Variants in AMZ1 observed in about 807,000 individuals in gnomAD.
AMZ1 encodes the protein archaelysin family metallopeptidase 1.
In AMZ1, 39 loss-of-function variants were observed where a neutral mutation model predicts 29.9. That is an observed-to-expected ratio of 1.30 (90% CI 1.01 to 1.70). AMZ1 has a LOEUF of 1.70. Ranked by LOEUF, AMZ1 falls within the 40% of genes most tolerant of loss-of-function variation. The pLI is 0.00. For missense variants in AMZ1, 1,041 were observed against 680.6 expected, an observed-to-expected ratio of 1.53 and a Z score of -5.89; for synonymous variants, 458 against 304.0, an observed-to-expected ratio of 1.51 and a Z score of -5.27.
intron 4 of AMZ1, among the ~76,000 whole-genome samples, chr7:2,736,426 A>AC (rs1790180040): frequency 6.7e-6 from 1 of 149,672 alleles, no homozygotes; most frequent in Non-Finnish European, 1.5e-5. Flanking sequence ...CTGAGCACAC[A>AC]CCTGACAGGG....
chr7:2,726,253 G>A (rs1789611582), intron 4 of AMZ1, among the ~76,000 whole-genome samples: 2 of 152,160 alleles, frequency 1.3e-5, no homozygotes, highest in Admixed American at 6.5e-5. Context: ...CGCAATTCTC[G>A]AGGCAGGTTG....
Position 2,714,847 on chromosome 7 carries a change from C to G in AMZ1, c.*1969C>G, listed in dbSNP as rs1789027069. 6.6e-6 allele frequency: 1 copy of G among 152,292 alleles called. No individual in the cohort carries two copies. The highest frequency in any genetic ancestry group is 6.5e-5 in the Admixed American group (1 of 15,280). 9.4% of individuals were successfully genotyped at this position (152,292 alleles called of 1,614,324 possible). On this transcript the variant is annotated 3_prime_UTR_variant, in exon 7 of 7. Transcript: ENST00000683327. ...GCTGCCATACCGTGAGGAAACCCGA[C>G]AAACAGGGCAGCCAGAGCCAGACAG...
intron 4 of AMZ1, among the ~76,000 whole-genome samples, chr7:2,755,268 A>G (rs2115376779): frequency 6.6e-6 from 1 of 152,342 alleles, no homozygotes; most frequent in African/African-American, 2.4e-5. Context: ...TACATTTTAC[A>G]ATAATCACAT....
chr7:2,744,368 C>T (rs1383095234), intron 4 of AMZ1, among the ~76,000 whole-genome samples: 3 of 152,116 alleles, frequency 2.0e-5, no homozygotes, highest in Non-Finnish European at 4.4e-5. Context: ...CACCAATATC[C>T]GCTGTTCTGC....
At chr7:2,709,501 A>C (rs1331704321) in intron 5 of AMZ1, 139 bp from the exon 6 acceptor site, 2 of 1,324,864 alleles carry the variant, frequency 1.5e-6, no homozygotes, top group Admixed American at 2.4e-5. Flanking sequence ...CGCCTGGGGC[A>C]GGGGGAGGGC....
rs376468655 is a variant in AMZ1 at position 2,695,935 on chromosome 7, G to A, written c.-218-4299G>A. Among the ~76,000 whole-genome samples, 156 of 151,186 alleles carry A rather than the reference G, an allele frequency of 1.0e-3. 1 individual carries two copies. In the South Asian group the frequency reaches 0.013, roughly 12 times the overall value. ...TGAGGCAGGAGAATCGCTTGAACCC[G>A]GAGGCGGAGGTTGCAGTGAGCTGAG... On this transcript the variant is annotated intron_variant, in intron 1 of 6. Coordinates refer to ENST00000683327, the MANE Select transcript of AMZ1 (RefSeq NM_001384743.1).
chr7:2,711,097 G>A (rs934894656), intron 6 of AMZ1, among the ~76,000 whole-genome samples: 1 of 152,220 alleles, frequency 6.6e-6, no homozygotes, highest in East Asian at 1.9e-4. Context: ...GAGCTGGAGG[G>A]TGTAGCTCCT....
At chr7:2,746,786 A>G in intron 4 of AMZ1, among the ~76,000 whole-genome samples, 1 of 152,144 alleles carries the variant, frequency 6.6e-6, no homozygotes, top group Non-Finnish European at 1.5e-5. Context: ...ACTAATAAAG[A>G]AGAAAAGAGA....
intron 4 of AMZ1, among the ~76,000 whole-genome samples, chr7:2,752,983 C>A (rs372248862): frequency 6.6e-6 from 1 of 152,180 alleles, no homozygotes; most frequent in Non-Finnish European, 1.5e-5. Flanking sequence ...CGGTCTCCCT[C>A]GTGCTACCAA....
intron 3 of AMZ1, among the ~76,000 whole-genome samples, chr7:2,704,230 T>C (rs1376716116): frequency 6.6e-6 from 1 of 152,174 alleles, no homozygotes; most frequent in Admixed American, 6.5e-5. Context: ...AGGCTGGACA[T>C]GGTGGCTCAC....
At chr7:2,728,721 A>G (rs954875490) in intron 4 of AMZ1, 12 of 152,420 alleles carry the variant, frequency 7.9e-5, no homozygotes, top group African/African-American at 2.7e-4. Context: ...ACTAGAGTCT[A>G]TGTGTAGCCA....
intron 4 of AMZ1, among the ~76,000 whole-genome samples, chr7:2,727,941 CA>C (rs1789690650): frequency 6.7e-6 from 1 of 148,338 alleles, no homozygotes; most frequent in Non-Finnish European, 1.5e-5. Context: ...CCTGTAGACC[CA>C]GCTACTTGAG....
Position 2,731,426 on chromosome 7 carries a change from G to A in AMZ1, n.550+21610G>A. 6 of 1,613,666 alleles carry A rather than the reference G, an allele frequency of 3.7e-6. No individual in the cohort carries two copies. The highest frequency in any genetic ancestry group is 5.1e-6 in the Non-Finnish European group (6 of 1,179,652). ...CTCACGGTCTTCACCTTCTCCACCA[G>A]GAGGTCCATCTTGTTGAGGAAGAGA... On this transcript the variant is annotated intron_variant and non_coding_transcript_variant, in intron 4 of 4. Transcript: ENST00000489665. This position sits in a 1 kb window ranked among gnomAD's most constrained non-coding sequence, Gnocchi z 6.0.
chr7:2,691,613 C>T lies in AMZ1; in HGVS notation c.-219+3317C>T, dbSNP rs374155187. On this transcript the variant is annotated intron_variant, in intron 1 of 6. Coordinates refer to ENST00000683327, the MANE Select transcript of AMZ1 (RefSeq NM_001384743.1). Reference sequence around the variant, plus strand: ...AAAATAAGCTGGGTGTGGTCGTGAGCGCCTGCAGTCCCAGCTGTTCGGGAG... The same window carrying T: ...AAAATAAGCTGGGTGTGGTCGTGAGTGCCTGCAGTCCCAGCTGTTCGGGAG... Among the ~76,000 whole-genome samples, 51 of 142,920 alleles carry T rather than the reference C, an allele frequency of 3.6e-4. 2 individuals carry two copies. The highest frequency in any genetic ancestry group is 3.6e-3 in the Middle Eastern group (1 of 278). 93.8% of individuals were successfully genotyped at this position (142,920 alleles called of 152,430 possible). A position where few individuals can be genotyped will look rare whatever the true frequency, so the allele number is the denominator to read the frequency against.
intron 4 of AMZ1, among the ~76,000 whole-genome samples, chr7:2,746,167 G>A (rs1790753829): frequency 6.6e-6 from 1 of 152,278 alleles, no homozygotes; most frequent in East Asian, 1.9e-4. Flanking sequence ...GCACCAAGCA[G>A]ACCTAATAGA....
chr7:2,756,551 G>C (rs1465703205), intron 4 of AMZ1, among the ~76,000 whole-genome samples: 1 of 152,064 alleles, frequency 6.6e-6, no homozygotes, highest in African/African-American at 2.4e-5. Flanking sequence ...GGAGGTCGAG[G>C]CTGCAGTGAG....
At chr7:2,696,144 C>A (rs116260410) in intron 1 of AMZ1, among the ~76,000 whole-genome samples, 3 of 152,006 alleles carry the variant, frequency 2.0e-5, no homozygotes, top group Non-Finnish European at 4.4e-5. Flanking sequence ...TTAGATTTAA[C>A]CCTACTCCAC....
At position 2,715,159 on chromosome 7, in the gene AMZ1, G is replaced by A. The variant is rs1246826317; in HGVS notation, c.*2281G>A. 1 of 152,128 alleles carries A rather than the reference G, an allele frequency of 6.6e-6. No individual in the cohort carries two copies. The highest frequency in any genetic ancestry group is 2.4e-5 in the African/African-American group (1 of 41,382). 9.4% of individuals were successfully genotyped at this position (152,128 alleles called of 1,614,324 possible). ...GAAGCTCTGTGGCCTTTCCTAACTC[G>A]GCCTCACGTCACAGAGCGTCACCTT... is the stretch of plus-strand genomic sequence containing the variant. On this transcript the variant is annotated 3_prime_UTR_variant, in exon 7 of 7. Transcript: ENST00000683327.
chr7:2,700,009 G>A (rs1382242134), intron 1 of AMZ1, among the ~76,000 whole-genome samples: 1 of 152,134 alleles, frequency 6.6e-6, no homozygotes, highest in Non-Finnish European at 1.5e-5. Flanking sequence ...TCCCCTGGGT[G>A]GCCCATGGGA....
Sources: gnomAD v4.1 joint callset for allele counts (sites outside exome capture counted in the v4.1 genomes callset) on GRCh38, gnomAD v4.1.1 for gene constraint, Gnocchi (gnomAD v3.1) non-coding constraint, MANE v1.5 for transcripts, NCBI Gene and HGNC (gene_info 2026-07-23, HGNC 2026-07-21) for gene names.